HIVEP2: variants seen among roughly 807,000 people sequenced by gnomAD.
The protein encoded by HIVEP2 is HIVEP zinc finger 2.
Under a neutral mutation model 180.7 loss-of-function variants are expected in HIVEP2, and 14 were observed. The observed-to-expected ratio is 0.08, with a 90% CI of 0.05 to 0.12. The LOEUF (loss-of-function observed/expected upper bound fraction) is 0.12, where lower values mean the gene tolerates loss of function less well. HIVEP2 is among the 10% of genes least tolerant of loss of function. HIVEP2 has a pLI of 1.00. For missense variants in HIVEP2, 2,579 were observed against 3,008.5 expected, an observed-to-expected ratio of 0.86 and a Z score of 3.34; for synonymous variants, 1,184 against 1,136.4, an observed-to-expected ratio of 1.04 and a Z score of -0.84.
Position 142,787,096 on chromosome 6 carries a change from TA to T in HIVEP2, c.-527-3482del, listed in dbSNP as rs546332802. Among the ~76,000 whole-genome samples, 1,183 of 151,094 alleles carry T rather than the reference TA, an allele frequency of 7.8e-3. 8 individuals are homozygous for T. The highest frequency in any genetic ancestry group is 0.014 in the Middle Eastern group (4 of 294). The stretch of plus-strand genomic sequence containing the variant: ...GCAACAAAGCAAGACCCTATCTCTA[TA>T]AAAAAAAATTTAAGCAGGTGTGGTG... On this transcript the variant is annotated intron_variant, in intron 2 of 9. Transcript: ENST00000367603.
At position 142,770,154 on chromosome 6, in the gene HIVEP2, CAGA is replaced by C. The variant is rs1562504111; in HGVS notation, c.4582_4584del (p.Ser1528del). 6.2e-6 allele frequency: 10 copies of C among 1,614,202 alleles called. No homozygotes were observed. The highest frequency in any genetic ancestry group is 8.5e-6 in the Non-Finnish European group (10 of 1,180,046). On this transcript the variant is annotated inframe_deletion, in exon 5 of 10. Transcript: ENST00000367603. The surrounding 1 kb of genome is among the most constrained non-coding windows in gnomAD (Gnocchi z 4.7). ...AATGGCTCCCTGGAAGACGGGCTAA[CAGA>C]AGGATAGTCTTGAGATGAGGAGGGC... is the stretch of plus-strand genomic sequence containing the variant.
At chr6:142,913,302 C>T (rs1777463006) in intron 1 of HIVEP2, among the ~76,000 whole-genome samples, 1 of 152,360 alleles carries the variant, frequency 6.6e-6, no homozygotes, top group South Asian at 2.1e-4. Flanking sequence ...ACATTTCCTT[C>T]ATGCTATCAT....
intron 2 of HIVEP2, among the ~76,000 whole-genome samples, chr6:142,829,866 C>T (rs754093967): frequency 5.3e-5 from 8 of 152,162 alleles, no homozygotes; most frequent in Non-Finnish European, 7.3e-5. Context: ...TATTTGTGCA[C>T]AAAACATTCT....
In HIVEP2 at chr6:142,829,575, T is replaced by C. The variant is rs192597442; in HGVS notation, c.-528+7360A>G. Among the ~76,000 whole-genome samples, 7 of 152,346 alleles carry C rather than the reference T, an allele frequency of 4.6e-5. No homozygotes were observed. In the East Asian group the frequency reaches 1.3e-3, roughly 29 times the overall value. ...GTACTAGTCCGATTTCTATTTTAGG[T>C]AGGGTTTATAAGCAACTTGAAGGCT... is the stretch of plus-strand genomic sequence containing the variant. On this transcript the variant is annotated intron_variant, in intron 2 of 9. Coordinates refer to ENST00000367603, the MANE Select transcript of HIVEP2 (RefSeq NM_006734.4).
At chr6:142,867,673 C>T (rs1043124833) in intron 1 of HIVEP2, among the ~76,000 whole-genome samples, 15 of 152,132 alleles carry the variant, frequency 9.9e-5, no homozygotes, top group Non-Finnish European at 1.8e-4. Context: ...ATAAAGTTTT[C>T]CTGAGCCAAT....
intron 2 of HIVEP2, among the ~76,000 whole-genome samples, chr6:142,811,573 C>CT (rs1454829726): frequency 1.3e-5 from 2 of 152,150 alleles, no homozygotes; most frequent in Non-Finnish European, 2.9e-5. Flanking sequence ...AAGAGCCATT[C>CT]TTTTAAAGTC....
In HIVEP2 at chr6:142,941,046, G is replaced by T. The variant is rs562893985; in HGVS notation, c.-641+4053C>A. ...TTATAGACACTTGTAGAAAAATCACGTCATAGAAAATACCTCAAATGATGA... is the reference window on the plus strand; with the variant it reads ...TTATAGACACTTGTAGAAAAATCACTTCATAGAAAATACCTCAAATGATGA... On this transcript the variant is annotated intron_variant, in intron 1 of 9. Transcript: ENST00000367603. Among the ~76,000 whole-genome samples the T allele has an allele frequency of 3.9e-5, 6 of 152,232 alleles. No homozygotes were observed. The South Asian group carries it at 1.2e-3, about 32-fold the overall frequency.
intron 1 of HIVEP2, among the ~76,000 whole-genome samples, chr6:142,889,014 T>C (rs1776784293): frequency 6.6e-6 from 1 of 152,188 alleles, no homozygotes; most frequent in African/African-American, 2.4e-5. Context: ...GATTACACTA[T>C]CATAATTTTT....
intron 1 of HIVEP2, among the ~76,000 whole-genome samples, chr6:142,875,557 G>A (rs938211816): frequency 6.6e-6 from 1 of 152,162 alleles, no homozygotes; most frequent in Admixed American, 6.6e-5. Flanking sequence ...TGGTGGCTTG[G>A]ACTGAAACTA....
At chr6:142,902,992 T>C (rs1042913018) in intron 1 of HIVEP2, among the ~76,000 whole-genome samples, 1 of 152,204 alleles carries the variant, frequency 6.6e-6, no homozygotes, top group African/African-American at 2.4e-5. Context: ...CTAACGCTAC[T>C]TTGGAACTCC....
chr6:142,869,714 T>C (rs1320238578), intron 1 of HIVEP2, among the ~76,000 whole-genome samples: 1 of 152,144 alleles, frequency 6.6e-6, no homozygotes, highest in Non-Finnish European at 1.5e-5. Flanking sequence ...GTATTAAAAA[T>C]GTATACTGAA....
intron 1 of HIVEP2, among the ~76,000 whole-genome samples, chr6:142,939,308 TCTAA>T (rs777491702): frequency 2.6e-5 from 4 of 152,144 alleles, no homozygotes; most frequent in Non-Finnish European, 5.9e-5. Context: ...ATTTTGGCAA[TCTAA>T]CTGTCTCCTT....
chr6:142,885,504 G>A (rs1052356901), intron 1 of HIVEP2, among the ~76,000 whole-genome samples: 5 of 152,084 alleles, frequency 3.3e-5, no homozygotes, highest in South Asian at 2.1e-4. Flanking sequence ...ACAACAAGCC[G>A]TGGTTCCCAT....
chr6:142,832,369 C>A (rs1361399707), intron 2 of HIVEP2, among the ~76,000 whole-genome samples: 1 of 152,006 alleles, frequency 6.6e-6, no homozygotes, highest in Admixed American at 6.6e-5. Flanking sequence ...AGGAAAACTT[C>A]ACATAAATTA....
intron 2 of HIVEP2, among the ~76,000 whole-genome samples, chr6:142,793,324 T>C (rs1776186113): frequency 6.6e-6 from 1 of 152,200 alleles, no homozygotes; most frequent in Non-Finnish European, 1.5e-5. Context: ...TGCTTCATTG[T>C]ATAGAAATTT....
intron 9 of HIVEP2, among the ~76,000 whole-genome samples, chr6:142,754,251 G>T (rs947561496): frequency 6.1e-5 from 9 of 148,672 alleles, no homozygotes; most frequent in Non-Finnish European, 1.0e-4. Context: ...ATAATGAAAA[G>T]AAATTAATGG....
chr6:142,853,145 G>C (rs1775732689), intron 1 of HIVEP2, among the ~76,000 whole-genome samples: 1 of 152,006 alleles, frequency 6.6e-6, no homozygotes. Context: ...AGTTCATTTG[G>C]CACAGATTTG....
At chr6:142,855,381 C>A (rs1318113293) in intron 1 of HIVEP2, among the ~76,000 whole-genome samples, 1 of 152,228 alleles carries the variant, frequency 6.6e-6, no homozygotes, top group Middle Eastern at 3.2e-3. Flanking sequence ...TCTTCCGCTA[C>A]AACCTTCTGT....
intron 1 of HIVEP2, among the ~76,000 whole-genome samples, chr6:142,901,742 C>T (rs558471668): frequency 1.4e-4 from 22 of 152,228 alleles, no homozygotes; most frequent in African/African-American, 4.1e-4. Context: ...GCCAATCTGC[C>T]GACAAGAAGT....
Sources: gnomAD v4.1 joint callset for allele counts (sites outside exome capture counted in the v4.1 genomes callset) on GRCh38, gnomAD v4.1.1 for gene constraint, Gnocchi (gnomAD v3.1) non-coding constraint, MANE v1.5 for transcripts, NCBI Gene and HGNC (gene_info 2026-07-23, HGNC 2026-07-21) for gene names.